Variants in UBE2D3 observed in about 807,000 individuals in gnomAD.
UBE2D3 encodes ubiquitin-conjugating enzyme E2 D3.
Under a neutral mutation model 22.8 loss-of-function variants are expected in UBE2D3, and 2 were observed. That is an observed-to-expected ratio of 0.09 (90% CI 0.04 to 0.28). The LOEUF is 0.28. UBE2D3 is among the 10% of genes least tolerant of loss of function. The pLI, the probability that UBE2D3 is intolerant of heterozygous loss-of-function variation, is 1.00. For synonymous variants in UBE2D3, 56 were observed against 60.4 expected (o/e 0.93, Z 0.34); for missense variants, 27 against 182.5 (o/e 0.15, Z 4.91).
At position 102,826,550 on chromosome 4, in the gene UBE2D3, G is replaced by A. The variant is rs763475291; in HGVS notation, c.-42C>T. On this transcript the variant is annotated 5_prime_UTR_variant, in exon 2 of 8. Transcript: ENST00000453744. ...CTGGCTCCTCACTCTCTCGGTGTAT[G>A]CTCAAAGGTCCGGCCAAAACTCTTG... The A allele has an allele frequency of 6.8e-6, 11 of 1,611,416 alleles. No individual in the cohort carries two copies. The highest frequency in any genetic ancestry group is 7.6e-6 in the Non-Finnish European group (9 of 1,179,896).
At chr4:102,825,477 CATT>C (rs1236627530) in intron 2 of UBE2D3, 4 of 1,154,226 alleles carry the variant, frequency 3.5e-6, no homozygotes, top group Non-Finnish European at 4.3e-6. Context: ...TATTAATTCA[CATT>C]ATTACGAAAG....
chr4:102,867,737 C>T (rs1733214979), intron 1 of UBE2D3, among the ~76,000 whole-genome samples: 1 of 152,000 alleles, frequency 6.6e-6, no homozygotes, highest in Non-Finnish European at 1.5e-5. Flanking sequence ...TTAGAGTCTG[C>T]GGTGAGCTAT....
intron 2 of UBE2D3, chr4:102,811,947 G>A (rs1023636945): frequency 3.8e-5 from 8 of 212,516 alleles, no homozygotes; most frequent in Non-Finnish European, 9.7e-6. Context: ...ATCTTCTTTT[G>A]GTCTACTAGA....
At chr4:102,801,609 T>C in intron 5 of UBE2D3, 50 bp from the exon 6 acceptor site, 2 of 1,417,326 alleles carry the variant, frequency 1.4e-6, no homozygotes, top group Middle Eastern at 1.8e-4. Context: ...CAAACATCTT[T>C]TAAAGCAAAA....
intron 2 of UBE2D3, among the ~76,000 whole-genome samples, chr4:102,814,330 C>A (rs1292244141): frequency 1.3e-5 from 2 of 151,552 alleles, no homozygotes; most frequent in African/African-American, 4.9e-5. Flanking sequence ...CCTCTGTCAT[C>A]CAGGCTGGAG....
chr4:102,857,430 G>A (rs1157860496), intron 1 of UBE2D3, among the ~76,000 whole-genome samples: 1 of 152,044 alleles, frequency 6.6e-6, no homozygotes, highest in African/African-American at 2.4e-5. Context: ...GGAATTTAAA[G>A]TTTCTAATAT....
chr4:102,822,718 G>C (rs1356017912), intron 2 of UBE2D3, among the ~76,000 whole-genome samples: 1 of 128,052 alleles, frequency 7.8e-6, no homozygotes, highest in East Asian at 2.1e-4. Context: ...GGTGGATCAC[G>C]AGGTCAGGAG....
At chr4:102,833,144 G>T (rs1385322355) in intron 1 of UBE2D3, among the ~76,000 whole-genome samples, 1 of 146,672 alleles carries the variant, frequency 6.8e-6, no homozygotes, top group Non-Finnish European at 1.5e-5. Context: ...TGTGCTACAT[G>T]TTTTTTTTTT....
chr4:102,799,077 A>G, intron 7 of UBE2D3: 3 of 1,308,744 alleles, frequency 2.3e-6, no homozygotes, highest in Non-Finnish European at 3.2e-6. Context: ...AATTTAGACC[A>G]AATTTTTACA....
intron 2 of UBE2D3, chr4:102,811,851 C>A (rs1728096933): frequency 2.5e-6 from 1 of 402,212 alleles, no homozygotes; most frequent in Non-Finnish European, 4.8e-6. Context: ...ACCCCATTCT[C>A]CATAAAAAGA....
At chr4:102,828,113 C>T, upstream of UBE2D3, 1 of 985,436 alleles carries the variant, frequency 1.0e-6, no homozygotes, top group Non-Finnish European at 1.2e-6. Context: ...CTGGGGCGGG[C>T]CACTGCCAGG....
At chr4:102,807,547 G>A (rs1348154113) in intron 4 of UBE2D3, among the ~76,000 whole-genome samples, 1 of 152,118 alleles carries the variant, frequency 6.6e-6, no homozygotes, top group African/African-American at 2.4e-5. Context: ...AGCAGTTGTG[G>A]TTAATCAGGT....
chr4:102,850,917 T>G (rs1308908670), intron 1 of UBE2D3, among the ~76,000 whole-genome samples: 1 of 149,350 alleles, frequency 6.7e-6, no homozygotes, highest in African/African-American at 2.5e-5. Flanking sequence ...TACAGTGGAC[T>G]TGGGAACTTT....
intron 1 of UBE2D3, among the ~76,000 whole-genome samples, chr4:102,852,781 C>G (rs187908412): frequency 1.9e-4 from 29 of 152,252 alleles, no homozygotes; most frequent in African/African-American, 6.3e-4. Flanking sequence ...ATATCTGTAG[C>G]TTAAAAAATT....
intron 2 of UBE2D3, among the ~76,000 whole-genome samples, chr4:102,824,991 T>A (rs1730227582): frequency 6.6e-6 from 1 of 152,252 alleles, no homozygotes; most frequent in South Asian, 2.1e-4. Context: ...GTATTTCGCA[T>A]AACCCAAAAT....
chr4:102,821,403 C>T (rs1331782370), intron 2 of UBE2D3, among the ~76,000 whole-genome samples: 4 of 152,068 alleles, frequency 2.6e-5, no homozygotes, highest in African/African-American at 4.8e-5. Flanking sequence ...CACCACTGAA[C>T]GCAGAGATTA....
intron 2 of UBE2D3, among the ~76,000 whole-genome samples, chr4:102,815,776 T>TA (rs1728702657): frequency 6.6e-6 from 1 of 152,324 alleles, no homozygotes; most frequent in African/African-American, 2.4e-5. Context: ...ATCAAAGAGA[T>TA]AAAATCAGCC....
At chr4:102,842,168 C>G (rs1294004848) in intron 1 of UBE2D3, among the ~76,000 whole-genome samples, 1 of 151,284 alleles carries the variant, frequency 6.6e-6, no homozygotes, top group East Asian at 1.9e-4. Flanking sequence ...ATTTATGTAC[C>G]AAGCATTATC....
At chr4:102,814,391 T>A (rs1211374097) in intron 2 of UBE2D3, among the ~76,000 whole-genome samples, 1 of 151,274 alleles carries the variant, frequency 6.6e-6, no homozygotes, top group African/African-American at 2.4e-5. Flanking sequence ...CAGGTTCAAG[T>A]GACTCTCCTG....
Sources: gnomAD v4.1 joint callset for allele counts (sites outside exome capture counted in the v4.1 genomes callset) on GRCh38, gnomAD v4.1.1 for gene constraint, MANE v1.5 for transcripts, NCBI Gene and HGNC (gene_info 2026-07-23, HGNC 2026-07-21) for gene names.